The following ENKUR variants were observed in gnomAD, a reference collection of about 807,000 sequenced individuals.
The protein encoded by ENKUR is enkurin.
Under a neutral mutation model 27.6 loss-of-function variants are expected in ENKUR, and 19 were observed. The observed-to-expected ratio is 0.69, with a 90% CI of 0.48 to 1.01. The LOEUF is 1.01. Ranked by LOEUF, ENKUR falls within the 50% of genes least tolerant of loss-of-function variation. The probability of loss-of-function intolerance (pLI) is 0.00; values close to 1 mark genes in which losing one functional copy is unlikely to be tolerated. For missense variants in ENKUR, 312 were observed against 310.5 expected (o/e 1.00, Z -0.04); for synonymous variants, 117 against 96.9 (o/e 1.21, Z -1.22).
intron 2 of ENKUR, among the ~76,000 whole-genome samples, chr10:25,051,741 C>G (rs1014199757): frequency 1.3e-5 from 2 of 152,204 alleles, no homozygotes; most frequent in Admixed American, 1.3e-4. Flanking sequence ...GGACAAATAT[C>G]CAAACTATAT....
At chr10:25,061,544 T>A (rs894696895) in intron 1 of ENKUR, among the ~76,000 whole-genome samples, 1 of 152,220 alleles carries the variant, frequency 6.6e-6, no homozygotes, top group Non-Finnish European at 1.5e-5. Context: ...TTTGGGTGAC[T>A]TTTCCTTTGA....
chr10:25,023,525 A>C, intron 2 of ENKUR: 1 of 1,614,150 alleles, frequency 6.2e-7, no homozygotes, highest in Non-Finnish European at 8.5e-7. Context: ...AGTGTGTCTG[A>C]AAAATTACAG....
At position 25,011,992 on chromosome 10, in the gene ENKUR, G is replaced by T. The variant is rs112018861; in HGVS notation, c.77+3868C>A. ...AATGGTTTCATGGGCTGGGCCCAGGGCCTTGCTGCTTTGTGCAATCTTGGG... is the reference window on the plus strand; with the variant it reads ...AATGGTTTCATGGGCTGGGCCCAGGTCCTTGCTGCTTTGTGCAATCTTGGG... On this transcript the variant is annotated intron_variant, in intron 1 of 5. Transcript: ENST00000331161. Among the ~76,000 whole-genome samples the T allele has an allele frequency of 3.9e-5, 6 of 152,228 alleles. No individual in the cohort carries two copies. In the South Asian group the frequency reaches 1.2e-3, roughly 32 times the overall value.
At chr10:25,025,144 C>CCA in intron 2 of ENKUR, 1 of 1,614,184 alleles carries the variant, frequency 6.2e-7, no homozygotes, top group Non-Finnish European at 8.5e-7. Flanking sequence ...TATTTTGGAT[C>CCA]CACACACTGC....
At chr10:25,019,134 G>A (rs1423912140), upstream of ENKUR, among the ~76,000 whole-genome samples, 2 of 152,162 alleles carry the variant, frequency 1.3e-5, no homozygotes, top group East Asian at 3.9e-4. Flanking sequence ...CTCCATATCT[G>A]TGAATTTCCC....
At chr10:25,034,056 A>G (rs937270670) in intron 2 of ENKUR, among the ~76,000 whole-genome samples, 2 of 152,204 alleles carry the variant, frequency 1.3e-5, no homozygotes, top group African/African-American at 4.8e-5. Context: ...GTACATTTCT[A>G]CATCAGTCAC....
At chr10:24,991,991 A>G (rs994926240) in intron 3 of ENKUR, among the ~76,000 whole-genome samples, 2 of 152,238 alleles carry the variant, frequency 1.3e-5, no homozygotes, top group African/African-American at 4.8e-5. Context: ...GAAGTGAGCC[A>G]CAGCCCTATG....
intron 2 of ENKUR, among the ~76,000 whole-genome samples, chr10:25,047,675 C>A (rs2130480802): frequency 6.6e-6 from 1 of 152,290 alleles, no homozygotes; most frequent in South Asian, 2.1e-4. Flanking sequence ...CAAGCCAGAT[C>A]TTGAGCTTGA....
At chr10:25,015,511 C>T (rs924199893) in intron 1 of ENKUR, among the ~76,000 whole-genome samples, 1 of 152,098 alleles carries the variant, frequency 6.6e-6, no homozygotes, top group Admixed American at 6.5e-5. Flanking sequence ...TATCCTTAAA[C>T]AAGATAATAG....
At chr10:25,050,197 C>T (rs1851170484) in intron 2 of ENKUR, among the ~76,000 whole-genome samples, 1 of 152,162 alleles carries the variant, frequency 6.6e-6, no homozygotes, top group South Asian at 2.1e-4. Context: ...ATCCAGTCAC[C>T]TCCCACCACT....
chr10:25,035,414 G>A (rs1850995866), intron 2 of ENKUR, among the ~76,000 whole-genome samples: 1 of 152,132 alleles, frequency 6.6e-6, no homozygotes, highest in Non-Finnish European at 1.5e-5. Flanking sequence ...AATTAGCTGG[G>A]CGTGGTGGTG....
At chr10:25,035,154 A>C (rs768136413) in intron 2 of ENKUR, among the ~76,000 whole-genome samples, 3 of 152,228 alleles carry the variant, frequency 2.0e-5, no homozygotes, top group Non-Finnish European at 4.4e-5. Flanking sequence ...TGACAGTGCC[A>C]AGTGAATGGT....
intron 2 of ENKUR, chr10:25,061,107 A>G: frequency 6.5e-7 from 1 of 1,536,002 alleles, no homozygotes; most frequent in Non-Finnish European, 8.7e-7. Context: ...GAATGTCAGT[A>G]TTACCTGGGG....
intron 1 of ENKUR, 50 bp downstream of exon 1, chr10:25,015,810 G>C: frequency 6.6e-7 from 1 of 1,512,368 alleles, no homozygotes; most frequent in Admixed American, 2.1e-5. Context: ...AATTAATACT[G>C]AGTATTCCCC....
At chr10:25,028,915 T>C (rs2132772635) in intron 2 of ENKUR, among the ~76,000 whole-genome samples, 1 of 152,344 alleles carries the variant, frequency 6.6e-6, no homozygotes, top group East Asian at 1.9e-4. Flanking sequence ...TCTTTGAATT[T>C]TATATAAATG....
chr10:25,005,576 G>A (rs145448206), intron 1 of ENKUR, among the ~76,000 whole-genome samples: 189 of 152,258 alleles, frequency 1.2e-3, no homozygotes, highest in African/African-American at 4.4e-3. Context: ...CTGAACTCTG[G>A]AGCCTAGGCT....
chr10:25,039,826 G>T (rs1173324567), intron 2 of ENKUR, among the ~76,000 whole-genome samples: 3 of 151,732 alleles, frequency 2.0e-5, no homozygotes. Context: ...TTTCAGCCAG[G>T]AAAGCTCAAC....
At chr10:24,990,297 T>C (rs1564335321) in intron 4 of ENKUR, among the ~76,000 whole-genome samples, 166 bp downstream of exon 4, 1 of 152,230 alleles carries the variant, frequency 6.6e-6, no homozygotes, top group African/African-American at 2.4e-5. Flanking sequence ...CTTTTTGCTC[T>C]CTCCAAAGAG....
At chr10:25,020,744 A>G (rs1046567760), upstream of ENKUR, among the ~76,000 whole-genome samples, 33 of 151,846 alleles carry the variant, frequency 2.2e-4, no homozygotes, top group Middle Eastern at 3.4e-3. Flanking sequence ...CTTTCTCAAA[A>G]AAAAAAAAAA....
Sources: allele counts gnomAD v4.1 joint callset (sites outside exome capture counted in the v4.1 genomes callset), GRCh38; gene constraint gnomAD v4.1.1; transcripts MANE v1.5; gene names NCBI Gene and HGNC (gene_info 2026-07-23, HGNC 2026-07-21).